The following SLC2A10 variants were observed in gnomAD, a reference collection of about 807,000 sequenced individuals.
The protein encoded by SLC2A10 is solute carrier family 2 member 10.
In SLC2A10, 25 loss-of-function variants were observed where a neutral mutation model predicts 32.1. The observed-to-expected ratio is 0.78, with a 90% CI of 0.57 to 1.09. The LOEUF (loss-of-function observed/expected upper bound fraction) is 1.09, where lower values mean the gene tolerates loss of function less well. SLC2A10 is among the 50% of genes least tolerant of loss of function. The pLI is 0.00. For missense variants in SLC2A10, 673 were observed against 686.5 expected (o/e 0.98, Z 0.22); for synonymous variants, 332 against 309.6 (o/e 1.07, Z -0.76).
At chr20:46,726,368 C>T (rs534222573) in intron 2 of SLC2A10, 44 bp downstream of exon 2, 2 of 1,572,902 alleles carry the variant, frequency 1.3e-6, no homozygotes, top group Non-Finnish European at 1.7e-6. Context: ...ACTTCTACCC[C>T]TCCTAGGGGG....
chr20:46,725,354 T>C lies in SLC2A10; in HGVS notation c.318T>C (p.Ala106=). ...GSLAWLVLGR[A]VVGFAISLSS... is the part of the protein sequence containing the mutation. ...TGGCCTGGCTGGTCCTGGGCCGCGC[T>C]GTGGTTGGCTTCGCCATTTCCCTCT... Residue 106 remains alanine, a synonymous_variant, in exon 2 of 5, where the codon GCT becomes GCC. Coordinates refer to ENST00000359271, the MANE Select transcript of SLC2A10 (RefSeq NM_030777.4). 1 of 1,614,112 alleles carries C rather than the reference T, an allele frequency of 6.2e-7. No individual in the cohort carries two copies. Among genetic ancestry groups the C allele is most frequent in the Non-Finnish European group, 8.5e-7 (1 of 1,180,032 alleles).
intron 1 of SLC2A10, among the ~76,000 whole-genome samples, chr20:46,719,496 A>G (rs189609709): frequency 2.0e-3 from 302 of 152,312 alleles, no homozygotes; most frequent in Middle Eastern, 0.01. Flanking sequence ...ACATGGCGGC[A>G]GGCAAGAAAG....
chr20:46,717,368 G>A (rs914373096), intron 1 of SLC2A10, among the ~76,000 whole-genome samples: 11 of 152,060 alleles, frequency 7.2e-5, no homozygotes, highest in African/African-American at 2.4e-4. Flanking sequence ...TAATAAATGT[G>A]GACCAGTTCA....
upstream of SLC2A10, among the ~76,000 whole-genome samples, chr20:46,709,306 G>A (rs1978760385): frequency 6.6e-6 from 1 of 152,132 alleles, no homozygotes; most frequent in Admixed American, 6.5e-5. Context: ...GGGGAGGCCA[G>A]ACAAGTGTGG....
chr20:46,709,802 C>T, intron 1 of SLC2A10, 62 bp downstream of exon 1: 3 of 1,533,310 alleles, frequency 2.0e-6, no homozygotes, highest in African/African-American at 2.8e-5. Context: ...GTAGACACCG[C>T]CCCCACGCTC....
At chr20:46,732,666 T>C (rs1980357604) in intron 4 of SLC2A10, among the ~76,000 whole-genome samples, 1 of 151,722 alleles carries the variant, frequency 6.6e-6, no homozygotes, top group Non-Finnish European at 1.5e-5. Context: ...AGCACGGTGA[T>C]ATTTTTGTGT....
At position 46,709,678 on chromosome 20, in the gene SLC2A10, G is replaced by A; in HGVS notation, c.-59G>A. On this transcript the variant is annotated 5_prime_UTR_variant, in exon 1 of 5. Coordinates refer to ENST00000359271, the MANE Select transcript of SLC2A10 (RefSeq NM_030777.4). ...GGCGGCAGCGGCGTTGGGGACTCCGGCGGGGGATGCGCGCCCGGCCCCTCA... is the reference window on the plus strand; with the variant it reads ...GGCGGCAGCGGCGTTGGGGACTCCGACGGGGGATGCGCGCCCGGCCCCTCA... 1 of 1,533,282 alleles carries A rather than the reference G, an allele frequency of 6.5e-7. No individual in the cohort carries two copies. Among genetic ancestry groups the A allele is most frequent in the Non-Finnish European group, 8.8e-7 (1 of 1,140,666 alleles). 95.0% of individuals were successfully genotyped at this position (1,533,282 alleles called of 1,614,324 possible). A position where few individuals can be genotyped will look rare whatever the true frequency, so the allele number is the denominator to read the frequency against.
At chr20:46,732,126 A>T (rs966713442) in intron 4 of SLC2A10, among the ~76,000 whole-genome samples, 1 of 152,214 alleles carries the variant, frequency 6.6e-6, no homozygotes, top group Non-Finnish European at 1.5e-5. Flanking sequence ...CCTACATCTT[A>T]TGGATCCAGC....
At position 46,735,349 on chromosome 20, in the gene SLC2A10, G is replaced by A. The variant is rs1980517433; in HGVS notation, c.*1515G>A. ...TGCTGGAGCTGGCTTTGCCAAGCTT[G>A]TGAGAGCTGGTTGCTACATTTTCAG... On this transcript the variant is annotated 3_prime_UTR_variant, in exon 5 of 5. Coordinates refer to ENST00000359271, the MANE Select transcript of SLC2A10 (RefSeq NM_030777.4). 4 of 152,600 alleles carry A rather than the reference G, an allele frequency of 2.6e-5. No individual in the cohort carries two copies. In the South Asian group the frequency reaches 8.3e-4, roughly 32 times the overall value. 9.5% of individuals were successfully genotyped at this position (152,600 alleles called of 1,614,324 possible).
At chr20:46,722,221 G>A (rs1026513624) in intron 1 of SLC2A10, among the ~76,000 whole-genome samples, 6 of 151,978 alleles carry the variant, frequency 3.9e-5, no homozygotes, top group African/African-American at 1.2e-4. Flanking sequence ...TACCTAACTC[G>A]TGAGGTTACT....
At chr20:46,721,834 C>T (rs972233859) in intron 1 of SLC2A10, among the ~76,000 whole-genome samples, 22 of 152,242 alleles carry the variant, frequency 1.4e-4, no homozygotes, top group Middle Eastern at 3.2e-3. Flanking sequence ...GACCCACTTG[C>T]TCATCCCTAT....
intron 1 of SLC2A10, among the ~76,000 whole-genome samples, chr20:46,720,139 A>G (rs1398435714): frequency 6.6e-6 from 1 of 152,244 alleles, no homozygotes; most frequent in African/African-American, 2.4e-5. Flanking sequence ...GCAAACTGAC[A>G]CTGAGAGATC....
At chr20:46,731,309 A>G (rs907055411) in intron 4 of SLC2A10, among the ~76,000 whole-genome samples, 1 of 152,150 alleles carries the variant, frequency 6.6e-6, no homozygotes, top group Admixed American at 6.5e-5. Context: ...ACAGTCCTCA[A>G]GGTCACTTCC....
rs762576278 is a variant in SLC2A10 at position 46,726,998 on chromosome 20, C to T, written c.1411+12C>T. The T allele has an allele frequency of 1.1e-5, 17 of 1,614,114 alleles. No homozygotes were observed. The Admixed American group carries it at 2.7e-4, about 25-fold the overall frequency. The stretch of plus-strand genomic sequence containing the variant: ...CCTCGATCTCATTGGTGAGTCCTTC[C>T]CAGACAAGTCCGTTTTTTTTCTGTG... On this transcript the variant is annotated intron_variant, in intron 3 of 4. Transcript: ENST00000359271.
chr20:46,729,206 T>C, intron 3 of SLC2A10, 147 bp from the exon 4 acceptor site: 1 of 962,938 alleles, frequency 1.0e-6, no homozygotes. Flanking sequence ...ACTGACAGCT[T>C]ATTGGTCACT....
Position 46,725,871 on chromosome 20 carries a change from G to T in SLC2A10, c.835G>T (p.Val279Leu). 1 of 1,614,256 alleles carries T rather than the reference G, an allele frequency of 6.2e-7. No individual in the cohort carries two copies. Among genetic ancestry groups the T allele is most frequent in the Non-Finnish European group, 8.5e-7 (1 of 1,180,050 alleles). The change falls in exon 2 of 5, where the codon GTG becomes TTG. Residue 279 changes from valine (V) to leucine (L), a missense_variant. Val to Leu is a conservative substitution (Grantham distance 32). Coordinates refer to ENST00000359271, the MANE Select transcript of SLC2A10 (RefSeq NM_030777.4). Reference sequence around the variant, plus strand: ...GCTGGCCTCTGTGGGGCTTGGCGCAGTGAAGGTGGCAGCTACCCTGACCGC... The same window carrying T: ...GCTGGCCTCTGTGGGGCTTGGCGCATTGAAGGTGGCAGCTACCCTGACCGC... ...AVLASVGLGA[V>L]KVAATLTAMG...
chr20:46,712,795 A>G (rs150119587), intron 1 of SLC2A10, among the ~76,000 whole-genome samples: 1,680 of 151,008 alleles, frequency 0.011, 41 homozygotes, highest in African/African-American at 0.038. Context: ...CTGGAATTAC[A>G]GGTGCACACC....
intron 1 of SLC2A10, chr20:46,710,120 T>G (rs1237000749): frequency 4.4e-6 from 2 of 452,220 alleles, no homozygotes; most frequent in African/African-American, 4.1e-5. Flanking sequence ...TGAGCGCGGT[T>G]GTGCCCCAGG....
intron 4 of SLC2A10, among the ~76,000 whole-genome samples, chr20:46,733,434 T>A (rs73295921): frequency 1.5e-4 from 23 of 152,254 alleles, no homozygotes; most frequent in African/African-American, 5.3e-4. Flanking sequence ...GGAATTACAA[T>A]TGAACATGAG....
Sources: allele counts gnomAD v4.1 joint callset (sites outside exome capture counted in the v4.1 genomes callset), GRCh38; gene constraint gnomAD v4.1.1; transcripts MANE v1.5; gene names NCBI Gene and HGNC (gene_info 2026-07-23, HGNC 2026-07-21).